Variants in PSD3 observed in about 807,000 individuals in gnomAD.
PSD3 encodes PH and SEC7 domain-containing protein 3.
A neutral mutation model predicts 105.5 loss-of-function variants in PSD3; 49 were observed. The ratio of observed to expected loss-of-function variants is 0.46; its 90% CI spans 0.37 to 0.59. The LOEUF (loss-of-function observed/expected upper bound fraction) is 0.59, where lower values mean the gene tolerates loss of function less well. PSD3 is among the 20% of genes least tolerant of loss of function. PSD3 has a pLI of 0.00. For synonymous variants in PSD3, 557 were observed against 457.8 expected, an observed-to-expected ratio of 1.22 and a Z score of -2.77; for missense variants, 1,561 against 1,263.8, an observed-to-expected ratio of 1.24 and a Z score of -3.57.
intron 1 of PSD3, among the ~76,000 whole-genome samples, chr8:19,039,799 C>T (rs909146525): frequency 9.9e-5 from 15 of 152,174 alleles, no homozygotes; most frequent in Non-Finnish European, 1.9e-4. Flanking sequence ...TACTATGCAA[C>T]AACACTGGGA....
chr8:19,074,123 C>A (rs79556270), intron 1 of PSD3, among the ~76,000 whole-genome samples: 6,611 of 152,212 alleles, frequency 0.043, 181 homozygotes, highest in African/African-American at 0.078. Context: ...CTCAAGATTG[C>A]AGTCTTGCGC....
At chr8:18,926,957 G>C (rs996902428) in intron 2 of PSD3, among the ~76,000 whole-genome samples, 38 of 151,686 alleles carry the variant, frequency 2.5e-4, no homozygotes, top group African/African-American at 9.0e-4. Flanking sequence ...GCTTCTGAAA[G>C]GGTCTAGATC....
intron 12 of PSD3, among the ~76,000 whole-genome samples, chr8:18,596,404 G>C (rs1171894582): frequency 6.6e-6 from 1 of 151,638 alleles, no homozygotes; most frequent in African/African-American, 2.4e-5. Context: ...AAACGAAATA[G>C]AGAAATGAAA....
chr8:18,542,689 G>T (rs1310735080), intron 15 of PSD3, among the ~76,000 whole-genome samples: 2 of 152,192 alleles, frequency 1.3e-5, no homozygotes, highest in African/African-American at 4.8e-5. Flanking sequence ...GAGTCTTGCA[G>T]TCAAGTAGCC....
chr8:18,771,285 C>T (rs1334312333), intron 8 of PSD3, among the ~76,000 whole-genome samples: 2 of 152,236 alleles, frequency 1.3e-5, no homozygotes, highest in Admixed American at 6.5e-5. Context: ...GCAGCCCTCA[C>T]TGGGGACCCA....
chr8:18,803,958 T>TAA (rs35750138), intron 6 of PSD3, among the ~76,000 whole-genome samples: 214 of 151,818 alleles, frequency 1.4e-3, no homozygotes, highest in African/African-American at 4.6e-3. Flanking sequence ...TCTAACACGA[T>TAA]AAAAAAACGA....
chr8:18,736,753 AATCATAGAAG>A, intron 9 of PSD3, among the ~76,000 whole-genome samples: 2 of 152,226 alleles, frequency 1.3e-5, no homozygotes, highest in Non-Finnish European at 2.9e-5. Context: ...AACTTTGCTG[AATCATAGAAG>A]TAATCTTCAA....
intron 9 of PSD3, among the ~76,000 whole-genome samples, chr8:18,761,004 C>T (rs1358662098): frequency 6.6e-6 from 1 of 152,116 alleles, no homozygotes; most frequent in Non-Finnish European, 1.5e-5. Context: ...AGAATATGAA[C>T]TAGTTTGCTT....
chr8:18,651,454 C>G (rs992159926), intron 10 of PSD3, among the ~76,000 whole-genome samples: 1 of 152,214 alleles, frequency 6.6e-6, no homozygotes, highest in African/African-American at 2.4e-5. Context: ...CTAAACTACA[C>G]ATTGTAGGCT....
intron 1 of PSD3, among the ~76,000 whole-genome samples, chr8:18,953,158 G>A (rs960887863): frequency 6.6e-6 from 1 of 152,084 alleles, no homozygotes; most frequent in African/African-American, 2.4e-5. Flanking sequence ...TTAAAACAAA[G>A]TCACCAGTTT....
chr8:18,781,959 T>C (rs144470496), intron 8 of PSD3, among the ~76,000 whole-genome samples: 2 of 152,112 alleles, frequency 1.3e-5, no homozygotes, highest in South Asian at 4.1e-4. Context: ...TTCTGCTTGA[T>C]CTAGAGTCTG....
At chr8:19,019,790 G>A (rs988196438) in intron 1 of PSD3, among the ~76,000 whole-genome samples, 16 of 152,142 alleles carry the variant, frequency 1.1e-4, no homozygotes, top group Non-Finnish European at 1.9e-4. Flanking sequence ...TTGCCTGGTG[G>A]GACTCGACTG....
chr8:18,667,582 A>G (rs1332411181), intron 9 of PSD3, among the ~76,000 whole-genome samples: 1 of 152,222 alleles, frequency 6.6e-6, no homozygotes, highest in Non-Finnish European at 1.5e-5. Context: ...AAGATTCTTC[A>G]AGTCCCCAAA....
At chr8:18,949,244 A>AAAATATATATATATAT (rs1345423514) in intron 1 of PSD3, among the ~76,000 whole-genome samples, 5 of 14,406 alleles carry the variant, frequency 3.5e-4, no homozygotes, top group Non-Finnish European at 9.0e-4. Context: ...AAAAAAAAAA[A>AAAATATATATATATAT]ATATATATAT....
chr8:18,666,293 C>A (rs1053179086), intron 9 of PSD3, among the ~76,000 whole-genome samples: 1 of 152,210 alleles, frequency 6.6e-6, no homozygotes, highest in Non-Finnish European at 1.5e-5. Context: ...TCAGGTGATC[C>A]GCCCGCTTTG....
At chr8:18,596,775 G>A (rs539931336) in intron 12 of PSD3, among the ~76,000 whole-genome samples, 7 of 152,148 alleles carry the variant, frequency 4.6e-5, no homozygotes, top group African/African-American at 9.6e-5. Context: ...GATGAATTAC[G>A]GAGAGGTAGA....
intron 15 of PSD3, among the ~76,000 whole-genome samples, chr8:18,548,886 G>C (rs889389006): frequency 3.9e-5 from 6 of 152,308 alleles, no homozygotes; most frequent in Admixed American, 6.5e-5. Flanking sequence ...AGAGTAGTTA[G>C]AAGCCTCCAT....
At chr8:19,054,561 T>C (rs1314211263) in intron 1 of PSD3, among the ~76,000 whole-genome samples, 1 of 152,214 alleles carries the variant, frequency 6.6e-6, no homozygotes, top group African/African-American at 2.4e-5. Context: ...ATCTCCATTT[T>C]CTTCCCCACA....
At chr8:18,707,260 C>A (rs565808164) in intron 9 of PSD3, among the ~76,000 whole-genome samples, 2 of 152,274 alleles carry the variant, frequency 1.3e-5, no homozygotes, top group South Asian at 4.1e-4. Context: ...AGCAGCACTA[C>A]CCCTTTATAC....
Sources: gnomAD v4.1 joint callset for allele counts (sites outside exome capture counted in the v4.1 genomes callset) on GRCh38, gnomAD v4.1.1 for gene constraint, MANE v1.5 for transcripts, NCBI Gene and HGNC (gene_info 2026-07-23, HGNC 2026-07-21) for gene names.